Variants in CSNK1D observed in about 807,000 individuals in gnomAD.
CSNK1D encodes casein kinase 1 delta, also known as casein kinase I isoform delta.
CSNK1D carries 16 observed loss-of-function variants against 46.6 expected under a neutral mutation model. That is an observed-to-expected ratio of 0.34 (90% CI 0.23 to 0.52). CSNK1D has a LOEUF of 0.52. Ranked by LOEUF, CSNK1D falls within the 20% of genes least tolerant of loss-of-function variation. The pLI, the probability that CSNK1D is intolerant of heterozygous loss-of-function variation, is 0.95. For missense variants in CSNK1D, 398 were observed against 578.4 expected (o/e 0.69, Z 3.20); for synonymous variants, 276 against 228.2 (o/e 1.21, Z -1.89).
In CSNK1D at chr17:82,248,808, A is replaced by G; in HGVS notation, c.1197+67T>C. 4 of 1,565,340 alleles carry G rather than the reference A, an allele frequency of 2.6e-6. No homozygotes were observed. Among genetic ancestry groups the G allele is most frequent in the Non-Finnish European group, 3.5e-6 (4 of 1,155,596 alleles). Reference sequence around the variant, plus strand: ...GGAAAGAAGAAGCCCTGGAGAAACCACAGCCCGCTCTTGACTCGGACGGGG... The same window carrying G: ...GGAAAGAAGAAGCCCTGGAGAAACCGCAGCCCGCTCTTGACTCGGACGGGG... On this transcript the variant is annotated intron_variant, in intron 8 of 8. Transcript: ENST00000314028. This position sits in a 1 kb window ranked among gnomAD's most constrained non-coding sequence, Gnocchi z 4.1.
downstream of CSNK1D, among the ~76,000 whole-genome samples, chr17:82,240,530 CG>C (rs1256032067): frequency 6.6e-6 from 1 of 152,130 alleles, no homozygotes; most frequent in African/African-American, 2.4e-5. Flanking sequence ...GGTCATGGGC[CG>C]GGTGAGGGGT....
rs1362075088 is a variant in CSNK1D, at chr17:82,255,098, G to A, written c.336+331C>T. The A allele has an allele frequency of 1.8e-5, 7 of 388,498 alleles. No homozygotes were observed. Among genetic ancestry groups the A allele is most frequent in the African/African-American group, 2.2e-5 (1 of 46,394 alleles). The allele number at this position is 388,498 out of a possible 1,614,324, so 24.1% of individuals were successfully genotyped here. On this transcript the variant is annotated intron_variant, in intron 3 of 8. Coordinates refer to ENST00000314028, the MANE Select transcript of CSNK1D (RefSeq NM_001893.6). This position sits in a 1 kb window ranked among gnomAD's most constrained non-coding sequence, Gnocchi z 5.9. The stretch of plus-strand genomic sequence containing the variant: ...CGAGAAGCCAGTGAGCTGGGCCGCC[G>A]GAGCCTCGAGAAGCCAGTGAGCTGA...
At chr17:82,254,419 G>A (rs2051107749) in intron 3 of CSNK1D, 2 of 266,456 alleles carry the variant, frequency 7.5e-6, no homozygotes, top group South Asian at 2.9e-5. Context: ...AGTCAGCTGA[G>A]CCGCCGGAGC....
Position 82,255,871 on chromosome 17 carries a change from G to T in CSNK1D, c.188-294C>A, listed in dbSNP as rs1330475120. On this transcript the variant is annotated intron_variant, in intron 2 of 8. Coordinates refer to ENST00000314028, the MANE Select transcript of CSNK1D (RefSeq NM_001893.6). The surrounding 1 kb of genome is among the most constrained non-coding windows in gnomAD (Gnocchi z 5.9). ...CCCCGACTCCCGTCTTCTAGGGCAG[G>T]GGGGCAGGAGACACAGAAAGCAGCC... Among the ~76,000 whole-genome samples the T allele has an allele frequency of 6.6e-6, 1 of 152,226 alleles. No homozygotes were observed. Among genetic ancestry groups the T allele is most frequent in the Non-Finnish European group, 1.5e-5 (1 of 68,040 alleles).
rs909444075 is a variant in CSNK1D, at chr17:82,255,349, T to G, written c.336+80A>C. On this transcript the variant is annotated intron_variant, in intron 3 of 8. Transcript: ENST00000314028. The surrounding 1 kb of genome is among the most constrained non-coding windows in gnomAD (Gnocchi z 5.9). ...TTCCTCTGTGAATTAATGGCCATAA[T>G]AATGGCAAGAACAGCACAAGCGAGT... 1.4e-5 allele frequency: 22 copies of G among 1,539,148 alleles called. No homozygotes were observed. In the African/African-American group the frequency reaches 2.9e-4, roughly 20 times the overall value.
In CSNK1D at chr17:82,263,700, A is replaced by C. The variant is rs113971699; in HGVS notation, c.187+1986T>G. 9.6e-4 allele frequency among the ~76,000 whole-genome samples: 146 copies of C among 152,338 alleles called. 1 individual carries two copies. Among genetic ancestry groups the C allele is most frequent in the African/African-American group, 3.2e-3 (135 of 41,564 alleles). On this transcript the variant is annotated intron_variant, in intron 2 of 8. Coordinates refer to ENST00000314028, the MANE Select transcript of CSNK1D (RefSeq NM_001893.6). ...ACCCCTGGCTTGCAAGTTCTCCTGG[A>C]GACATCTCTCGTAAAAACTTAAGGT...
rs1428761798 is a variant in CSNK1D, at chr17:82,243,044, C to T, written c.*1737G>A. The T allele has an allele frequency of 4.1e-6, 4 of 985,454 alleles. No homozygotes were observed. The highest frequency in any genetic ancestry group is 4.8e-6 in the Non-Finnish European group (4 of 829,950). 61.0% of individuals were successfully genotyped at this position (985,454 alleles called of 1,614,324 possible). A position where few individuals can be genotyped will look rare whatever the true frequency, so the allele number is the denominator to read the frequency against. On this transcript the variant is annotated 3_prime_UTR_variant, in exon 9 of 9. Coordinates refer to ENST00000314028, the MANE Select transcript of CSNK1D (RefSeq NM_001893.6). The stretch of plus-strand genomic sequence containing the variant: ...TCCAGCAACAAAGAAAATCTCTTAA[C>T]TCGGCTCTGACCCACCCCAACCTCC...
In CSNK1D at chr17:82,252,663, A is replaced by G; in HGVS notation, c.566-59T>C. ...ACTTGCGTGCTCACGTCAAAGCAAA[A>G]GACCCGGCTGGCCGTTCCAGTGGAG... On this transcript the variant is annotated intron_variant, in intron 4 of 8. Coordinates refer to ENST00000314028, the MANE Select transcript of CSNK1D (RefSeq NM_001893.6). This position sits in a 1 kb window ranked among gnomAD's most constrained non-coding sequence, Gnocchi z 4.6. 1 of 1,560,592 alleles carries G rather than the reference A, an allele frequency of 6.4e-7. No homozygotes were observed.
At chr17:82,260,331 T>G (rs2051299149) in intron 2 of CSNK1D, among the ~76,000 whole-genome samples, 1 of 139,246 alleles carries the variant, frequency 7.2e-6, no homozygotes, top group Non-Finnish European at 1.7e-5. Flanking sequence ...GTGATGTGAC[T>G]GATGGTGTAC....
chr17:82,267,393 G>A (rs1212732314), intron 1 of CSNK1D, among the ~76,000 whole-genome samples: 1 of 152,144 alleles, frequency 6.6e-6, no homozygotes, highest in Non-Finnish European at 1.5e-5. Flanking sequence ...ATATCCACAC[G>A]TCCACTGAAC....
chr17:82,260,279 T>C (rs994077888), intron 2 of CSNK1D, among the ~76,000 whole-genome samples: 92 of 148,174 alleles, frequency 6.2e-4, no homozygotes, highest in African/African-American at 2.2e-3. Flanking sequence ...GATGGTGTAC[T>C]GAGTGATGCG....
In CSNK1D at chr17:82,249,052, T is replaced by C; in HGVS notation, c.1058-38A>G. Reference sequence around the variant, plus strand: ...AGAGAAACGGAGTGGGCCGCCCCCGTCTGCTGCCTCTCACTCGGGGCTTTC... The same window carrying C: ...AGAGAAACGGAGTGGGCCGCCCCCGCCTGCTGCCTCTCACTCGGGGCTTTC... On this transcript the variant is annotated intron_variant, in intron 7 of 8. Coordinates refer to ENST00000314028, the MANE Select transcript of CSNK1D (RefSeq NM_001893.6). This position sits in a 1 kb window ranked among gnomAD's most constrained non-coding sequence, Gnocchi z 6.7. 1 of 1,544,698 alleles carries C rather than the reference T, an allele frequency of 6.5e-7. No homozygotes were observed.
Position 82,244,266 on chromosome 17 carries a change from CA to C in CSNK1D, c.*514del. 1 of 1,102,074 alleles carries C rather than the reference CA, an allele frequency of 9.1e-7. No homozygotes were observed. Among genetic ancestry groups the C allele is most frequent in the Non-Finnish European group, 1.1e-6 (1 of 897,580 alleles). The allele number at this position is 1,102,074 out of a possible 1,614,324, so 68.3% of individuals were successfully genotyped here. The stretch of plus-strand genomic sequence containing the variant: ...ACCTTCTCCCTGCCCGACTCCACCT[CA>C]TACACTAACTCCAAGCCAGCCTGTC... On this transcript the variant is annotated 3_prime_UTR_variant, in exon 9 of 9. Coordinates refer to ENST00000314028, the MANE Select transcript of CSNK1D (RefSeq NM_001893.6).
Position 82,248,662 on chromosome 17 carries a change from A to C in CSNK1D, c.1197+213T>G, listed in dbSNP as rs1164457447. ...TGAGACCTGAGACTGGCCACCTGCAACCAGGAGACAAGCCCCATGACGGCC... is the reference window on the plus strand; with the variant it reads ...TGAGACCTGAGACTGGCCACCTGCACCCAGGAGACAAGCCCCATGACGGCC... On this transcript the variant is annotated intron_variant, in intron 8 of 8. Transcript: ENST00000314028. This position sits in a 1 kb window ranked among gnomAD's most constrained non-coding sequence, Gnocchi z 4.1. 2.1e-6 allele frequency: 3 copies of C among 1,400,152 alleles called. No individual in the cohort carries two copies. The African/African-American group carries it at 4.4e-5, about 20-fold the overall frequency. The allele number at this position is 1,400,152 out of a possible 1,614,324, so 86.7% of individuals were successfully genotyped here.
downstream of CSNK1D, chr17:82,240,009 G>A: frequency 8.1e-7 from 1 of 1,233,806 alleles, no homozygotes; most frequent in Non-Finnish European, 1.0e-6. Context: ...GGGGACGGCA[G>A]CGGGTGCCCT....
At chr17:82,265,937 G>A (rs768609714) in intron 1 of CSNK1D, 141 bp from the exon 2 acceptor site, 265 of 763,756 alleles carry the variant, frequency 3.5e-4, no homozygotes, top group Non-Finnish European at 5.3e-4. Flanking sequence ...ATAGTAAGGC[G>A]GGCTAATCGG....
rs2050803179 is a variant in CSNK1D at position 82,244,622 on chromosome 17, A to T, written c.*159T>A. On this transcript the variant is annotated 3_prime_UTR_variant, in exon 9 of 9. Transcript: ENST00000314028. ...GGCAGCTCTTGGAGTCTGTCCGTTTAGTATGTTTCCCCCACGAGCGTCGCT... is the reference window on the plus strand; with the variant it reads ...GGCAGCTCTTGGAGTCTGTCCGTTTTGTATGTTTCCCCCACGAGCGTCGCT... 6.5e-7 allele frequency: 1 copy of T among 1,534,262 alleles called. No homozygotes were observed. The highest frequency in any genetic ancestry group is 8.7e-7 in the Non-Finnish European group (1 of 1,145,272).
At position 82,251,270 on chromosome 17, in the gene CSNK1D, A is replaced by G. The variant is rs2051000741; in HGVS notation, c.885+109T>C. The G allele has an allele frequency of 7.5e-7, 1 of 1,332,066 alleles. No homozygotes were observed. Among genetic ancestry groups the G allele is most frequent in the Non-Finnish European group, 1.1e-6 (1 of 939,484 alleles). The allele number at this position is 1,332,066 out of a possible 1,614,324, so 82.5% of individuals were successfully genotyped here. A position where few individuals can be genotyped will look rare whatever the true frequency, so the allele number is the denominator to read the frequency against. On this transcript the variant is annotated intron_variant, in intron 6 of 8. Transcript: ENST00000314028. This position sits in a 1 kb window ranked among gnomAD's most constrained non-coding sequence, Gnocchi z 4.5. The stretch of plus-strand genomic sequence containing the variant: ...CTACACACTTGCCCTTCACAACCAG[A>G]GACACTCCCTATATGGTACAGCCCC...
In CSNK1D at chr17:82,249,153, C is replaced by T; in HGVS notation, c.1058-139G>A. On this transcript the variant is annotated intron_variant, in intron 7 of 8. Coordinates refer to ENST00000314028, the MANE Select transcript of CSNK1D (RefSeq NM_001893.6). This position sits in a 1 kb window ranked among gnomAD's most constrained non-coding sequence, Gnocchi z 6.7. The stretch of plus-strand genomic sequence containing the variant: ...CCTGGCTGTGGCCGATGGCCACCAA[C>T]ACTCAGATCCGGCCGGAGGGACACA... 9.2e-7 allele frequency: 1 copy of T among 1,090,828 alleles called. No homozygotes were observed. The highest frequency in any genetic ancestry group is 2.4e-5 in the Admixed American group (1 of 42,170). 67.6% of individuals were successfully genotyped at this position (1,090,828 alleles called of 1,614,324 possible).
Sources: gnomAD v4.1 joint callset for allele counts (sites outside exome capture counted in the v4.1 genomes callset) on GRCh38, gnomAD v4.1.1 for gene constraint, Gnocchi (gnomAD v3.1) non-coding constraint, MANE v1.5 for transcripts, NCBI Gene and HGNC (gene_info 2026-07-23, HGNC 2026-07-21) for gene names.